NRG3: variants seen among roughly 807,000 people sequenced by gnomAD.
NRG3 encodes pro-neuregulin-3, membrane-bound isoform.
In NRG3, 31 loss-of-function variants were observed where a neutral mutation model predicts 66.9. The ratio of observed to expected loss-of-function variants is 0.46; its 90% confidence interval spans 0.35 to 0.63. NRG3 has a LOEUF of 0.63. Among genes scored for constraint, NRG3 ranks in the 20% least tolerant of loss-of-function variants. The probability of loss-of-function intolerance (pLI) is 0.00; values close to 1 mark genes in which losing one functional copy is unlikely to be tolerated. For synonymous variants in NRG3, 393 were observed against 359.4 expected (o/e 1.09, Z -1.06); for missense variants, 910 against 878.9 (o/e 1.04, Z -0.45).
At chr10:82,899,818 G>T (rs1844034998) in intron 4 of NRG3, among the ~76,000 whole-genome samples, 2 of 152,144 alleles carry the variant, frequency 1.3e-5, no homozygotes, top group African/African-American at 4.8e-5. Context: ...CTAATAGGCA[G>T]GTCTGCTCTA....
rs546696349 is a variant in NRG3, at chr10:82,395,430, G to A, written c.953+36562G>A. Among the ~76,000 whole-genome samples the A allele has an allele frequency of 2.0e-5, 3 of 152,234 alleles. No homozygotes were observed. The South Asian group carries it at 6.2e-4, about 32-fold the overall frequency. On this transcript the variant is annotated intron_variant, in intron 2 of 8. Coordinates refer to ENST00000372141, the MANE Select transcript of NRG3 (RefSeq NM_001010848.4). ...TTCTGCTCACCTGATTGAAATTCAG[G>A]GATAGATCCCTCCCTTAGTAGACTG...
At chr10:82,145,719 T>C (rs2132699500) in intron 1 of NRG3, among the ~76,000 whole-genome samples, 1 of 152,344 alleles carries the variant, frequency 6.6e-6, no homozygotes, top group South Asian at 2.1e-4. Context: ...ATTTGGCATG[T>C]TCAGTACTGT....
chr10:82,138,426 G>A (rs1456441523), intron 1 of NRG3, among the ~76,000 whole-genome samples: 2 of 152,114 alleles, frequency 1.3e-5, no homozygotes, highest in Non-Finnish European at 2.9e-5. Flanking sequence ...AAGCAAGCAA[G>A]ACCATTTGGT....
chr10:82,494,789 C>T (rs1331445099), intron 2 of NRG3, among the ~76,000 whole-genome samples: 1 of 152,052 alleles, frequency 6.6e-6, no homozygotes, highest in Non-Finnish European at 1.5e-5. Context: ...AACTGCAGGT[C>T]ACCTCCACCA....
chr10:82,036,385 C>A (rs552715636), intron 1 of NRG3, among the ~76,000 whole-genome samples: 4 of 152,120 alleles, frequency 2.6e-5, no homozygotes, highest in Admixed American at 1.3e-4. Context: ...CCCATTTAAT[C>A]TTCCTAACAA....
At chr10:82,506,113 T>G (rs1844648984) in intron 2 of NRG3, among the ~76,000 whole-genome samples, 2 of 152,146 alleles carry the variant, frequency 1.3e-5, no homozygotes, top group African/African-American at 4.8e-5. Flanking sequence ...CGAGGCATGG[T>G]GGCACGTGCC....
At chr10:82,847,765 G>T (rs1339329517) in intron 3 of NRG3, among the ~76,000 whole-genome samples, 1 of 152,014 alleles carries the variant, frequency 6.6e-6, no homozygotes, top group Non-Finnish European at 1.5e-5. Context: ...CGTAGTCCAG[G>T]GTTGTATCAG....
At chr10:82,471,655 A>T (rs1420535137) in intron 2 of NRG3, among the ~76,000 whole-genome samples, 1 of 152,188 alleles carries the variant, frequency 6.6e-6, no homozygotes. Context: ...TCATGCCTGT[A>T]ATCCCAGCAC....
intron 1 of NRG3, among the ~76,000 whole-genome samples, chr10:81,924,041 G>A (rs1846526415): frequency 6.6e-6 from 1 of 152,204 alleles, no homozygotes; most frequent in South Asian, 2.1e-4. Context: ...CAGGATACAG[G>A]CAGGTGATTG....
At chr10:82,348,401 T>C (rs2135472701) in intron 1 of NRG3, among the ~76,000 whole-genome samples, 1 of 146,734 alleles carries the variant, frequency 6.8e-6, no homozygotes, top group East Asian at 2.1e-4. Context: ...TGGCCCCCAC[T>C]CTCTTCTGGC....
At chr10:82,785,263 G>T (rs1488339399) in intron 3 of NRG3, among the ~76,000 whole-genome samples, 1 of 151,828 alleles carries the variant, frequency 6.6e-6, no homozygotes, top group Non-Finnish European at 1.5e-5. Context: ...TAAATGACGA[G>T]TTAATGGGTG....
intron 1 of NRG3, among the ~76,000 whole-genome samples, chr10:82,286,865 C>T (rs56277301): frequency 0.012 from 1,806 of 152,252 alleles, 28 homozygotes; most frequent in Non-Finnish European, 0.017. Flanking sequence ...GGATTACAGG[C>T]GTGAGCCACC....
At chr10:82,031,840 C>T (rs568923146) in intron 1 of NRG3, among the ~76,000 whole-genome samples, 33 of 152,192 alleles carry the variant, frequency 2.2e-4, no homozygotes, top group African/African-American at 7.5e-4. Flanking sequence ...TCCTTCCCCA[C>T]AAGTAGACTT....
At chr10:82,340,295 G>A (rs2082619254) in intron 1 of NRG3, among the ~76,000 whole-genome samples, 1 of 152,138 alleles carries the variant, frequency 6.6e-6, no homozygotes, top group Non-Finnish European at 1.5e-5. Context: ...TGCATAAAAT[G>A]CGGAGCCACC....
chr10:81,949,301 G>A (rs1849120659), intron 1 of NRG3, among the ~76,000 whole-genome samples: 1 of 150,260 alleles, frequency 6.7e-6, no homozygotes, highest in Non-Finnish European at 1.5e-5. Context: ...TTACCTCCAG[G>A]AAGTCAAGGA....
At chr10:82,902,456 A>AG (rs1844322473) in intron 4 of NRG3, among the ~76,000 whole-genome samples, 1 of 152,036 alleles carries the variant, frequency 6.6e-6, no homozygotes, top group Non-Finnish European at 1.5e-5. Flanking sequence ...GTCTCAGTCA[A>AG]GGGGTCTTTT....
chr10:82,366,624 G>A (rs1439617190), intron 2 of NRG3, among the ~76,000 whole-genome samples: 2 of 151,900 alleles, frequency 1.3e-5, no homozygotes, highest in Non-Finnish European at 2.9e-5. Context: ...ACATGAAATT[G>A]TTGTCGATTT....
intron 1 of NRG3, among the ~76,000 whole-genome samples, chr10:82,234,223 C>T (rs533182937): frequency 3.3e-5 from 5 of 152,286 alleles, no homozygotes; most frequent in East Asian, 1.9e-4. Flanking sequence ...CAACTCACTA[C>T]GCTCCAATAC....
chr10:82,737,513 G>A (rs2058212681), intron 2 of NRG3, among the ~76,000 whole-genome samples: 1 of 151,254 alleles, frequency 6.6e-6, no homozygotes, highest in African/African-American at 2.4e-5. Context: ...TTTCTAACAA[G>A]CAGAGAATTG....
Sources: gnomAD v4.1 joint callset for allele counts (sites outside exome capture counted in the v4.1 genomes callset) on GRCh38, gnomAD v4.1.1 for gene constraint, MANE v1.5 for transcripts, NCBI Gene and HGNC (gene_info 2026-07-23, HGNC 2026-07-21) for gene names.